Variants in ITSN2 observed in about 807,000 individuals in gnomAD.
ITSN2 encodes intersectin 2.
In ITSN2, 156 loss-of-function variants were observed where a neutral mutation model predicts 243.7. That is an observed-to-expected ratio of 0.64 (90% confidence interval 0.56 to 0.73). The LOEUF (loss-of-function observed/expected upper bound fraction) is 0.73, where lower values mean the gene tolerates loss of function less well. ITSN2 is among the 30% of genes least tolerant of loss of function. The pLI, the probability that ITSN2 is intolerant of heterozygous loss-of-function variation, is 0.00. For missense variants in ITSN2, 1,801 were observed against 1,996.1 expected (o/e 0.90, Z 1.86); for synonymous variants, 703 against 699.9 (o/e 1.00, Z -0.07).
At chr2:24,313,330 C>T (rs1164750786) in intron 4 of ITSN2, 130 bp downstream of exon 4, 7 of 649,294 alleles carry the variant, frequency 1.1e-5, no homozygotes, top group Non-Finnish European at 1.8e-5. Context: ...CTACCTCAGA[C>T]TCCCAAAGTG....
chr2:24,239,467 A>C (rs866075389), intron 29 of ITSN2: 1 of 152,040 alleles, frequency 6.6e-6, no homozygotes, highest in African/African-American at 2.4e-5. Context: ...TTACATTCTC[A>C]AATTTTCTAA....
At chr2:24,340,447 C>A (rs1415017626) in intron 1 of ITSN2, among the ~76,000 whole-genome samples, 1 of 151,558 alleles carries the variant, frequency 6.6e-6, no homozygotes, top group African/African-American at 2.4e-5. Flanking sequence ...CGTCACTGCA[C>A]TCCAGCCTGG....
intron 29 of ITSN2, among the ~76,000 whole-genome samples, chr2:24,223,485 C>T (rs1670673127): frequency 6.6e-6 from 1 of 151,470 alleles, no homozygotes; most frequent in Admixed American, 6.6e-5. Flanking sequence ...TGAAGACCAG[C>T]CTGGGCAACA....
At position 24,330,715 on chromosome 2, in the gene ITSN2, T is replaced by C. The variant is rs1378624148; in HGVS notation, c.-33-2600A>G. ...TATAACTGTGTACTTCTGGTGACAG[T>C]AGTTTGAAATACTATTTTTTATCAA... On this transcript the variant is annotated intron_variant, in intron 1 of 39. Transcript: ENST00000355123. 9.4e-6 allele frequency: 6 copies of C among 637,550 alleles called. No homozygotes were observed. The Admixed American group carries it at 1.4e-4, about 14-fold the overall frequency. 39.5% of individuals were successfully genotyped at this position (637,550 alleles called of 1,614,324 possible).
rs563023391 is a variant in ITSN2, at chr2:24,220,290, G to A, written c.3699+655C>T. On this transcript the variant is annotated intron_variant, in intron 30 of 39. Transcript: ENST00000355123. ...CTTCTCACCTGAGGGCCTGTACACT[G>A]GGAACTGAAAGGCATGGAAACAAAG... 4.3e-5 allele frequency: 42 copies of A among 981,296 alleles called. No individual in the cohort carries two copies. The African/African-American group carries it at 6.3e-4, about 15-fold the overall frequency. 60.8% of individuals were successfully genotyped at this position (981,296 alleles called of 1,614,324 possible). A position where few individuals can be genotyped will look rare whatever the true frequency, so the allele number is the denominator to read the frequency against.
chr2:24,265,494 A>G (rs1229746188), intron 20 of ITSN2, among the ~76,000 whole-genome samples: 2 of 151,770 alleles, frequency 1.3e-5, no homozygotes, highest in Non-Finnish European at 3.0e-5. Flanking sequence ...AGCTTAATAG[A>G]TTCTATGGGA....
At chr2:24,213,634 T>C (rs1487769790) in intron 32 of ITSN2, among the ~76,000 whole-genome samples, 2 of 152,258 alleles carry the variant, frequency 1.3e-5, no homozygotes, top group Admixed American at 6.5e-5. Flanking sequence ...AGGTAACCTA[T>C]AGCAGGCCTT....
At chr2:24,340,835 TG>T (rs1191859850) in intron 1 of ITSN2, among the ~76,000 whole-genome samples, 1 of 152,138 alleles carries the variant, frequency 6.6e-6, no homozygotes, top group Non-Finnish European at 1.5e-5. Context: ...ATACTTGTAA[TG>T]TCAGTGAATT....
intron 32 of ITSN2, among the ~76,000 whole-genome samples, chr2:24,215,667 A>T (rs1289067650): frequency 9.3e-5 from 5 of 53,682 alleles, no homozygotes; most frequent in African/African-American, 4.0e-4. Flanking sequence ...ATTCTGTTTA[A>T]AAAAAAAAAA....
intron 10 of ITSN2, among the ~76,000 whole-genome samples, chr2:24,301,504 C>T (rs893875206): frequency 6.6e-6 from 1 of 151,080 alleles, no homozygotes; most frequent in Non-Finnish European, 1.5e-5. Flanking sequence ...TTATGTATAA[C>T]ATAATGAAAA....
chr2:24,246,379 AT>A, intron 28 of ITSN2, 59 bp from the exon 29 acceptor site: 1 of 919,850 alleles, frequency 1.1e-6, no homozygotes, highest in South Asian at 1.9e-5. Context: ...GCAAGGGTCA[AT>A]CATTTGTAAT....
intron 20 of ITSN2, among the ~76,000 whole-genome samples, 177 bp downstream of exon 20, chr2:24,270,494 G>C (rs1276686677): frequency 6.6e-6 from 1 of 152,220 alleles, no homozygotes; most frequent in Admixed American, 6.5e-5. Context: ...AACTTAGTTA[G>C]TAATAATAAC....
chr2:24,324,199 T>C (rs1684903587), intron 2 of ITSN2, among the ~76,000 whole-genome samples: 1 of 152,118 alleles, frequency 6.6e-6, no homozygotes, highest in African/African-American at 2.4e-5. Context: ...GCCACTGCAC[T>C]CCAGCCTGGG....
Position 24,248,958 on chromosome 2 carries a change from T to C in ITSN2, c.3121-76A>G. 2.9e-6 allele frequency: 4 copies of C among 1,369,542 alleles called. No individual in the cohort carries two copies. The Admixed American group carries it at 7.5e-5, about 26-fold the overall frequency. The allele number at this position is 1,369,542 out of a possible 1,614,324, so 84.8% of individuals were successfully genotyped here. Reference sequence around the variant, plus strand: ...TAAAAGTATAAAGGTTAATGGGAATTAGAGATTTCAAATTCCCAGGATTCT... The same window carrying C: ...TAAAAGTATAAAGGTTAATGGGAATCAGAGATTTCAAATTCCCAGGATTCT... On this transcript the variant is annotated intron_variant, in intron 25 of 39. Transcript: ENST00000355123.
intron 5 of ITSN2, 65 bp downstream of exon 5, chr2:24,312,147 C>A: frequency 7.6e-7 from 1 of 1,322,102 alleles, no homozygotes; most frequent in Non-Finnish European, 1.0e-6. Flanking sequence ...TTTTCTAATA[C>A]TCAAATATGC....
In ITSN2 at chr2:24,317,108, C is replaced by T. The variant is rs1301658031; in HGVS notation, c.32-1884G>A. On this transcript the variant is annotated intron_variant, in intron 2 of 39. Transcript: ENST00000355123. Reference sequence around the variant, plus strand: ...GTTAAAAAGTGGCAGTGGCCGGGCGCGGTGGCTCACGCCTGTAATCCCAGC... The same window carrying T: ...GTTAAAAAGTGGCAGTGGCCGGGCGTGGTGGCTCACGCCTGTAATCCCAGC... Among the ~76,000 whole-genome samples the T allele has an allele frequency of 2.6e-5, 4 of 152,160 alleles. No individual in the cohort carries two copies. The South Asian group carries it at 6.2e-4, about 24-fold the overall frequency.
chr2:24,224,956 A>G (rs1233552538), intron 29 of ITSN2, among the ~76,000 whole-genome samples: 5 of 151,992 alleles, frequency 3.3e-5, no homozygotes, highest in Non-Finnish European at 7.4e-5. Flanking sequence ...CCCTCTGTTT[A>G]AGTTTCCAAC....
intron 12 of ITSN2, among the ~76,000 whole-genome samples, 180 bp downstream of exon 12, chr2:24,299,729 C>A (rs1291163137): frequency 6.6e-6 from 1 of 151,884 alleles, no homozygotes; most frequent in Non-Finnish European, 1.5e-5. Flanking sequence ...TCCTTATAAG[C>A]AAGAAGCCTC....
intron 2 of ITSN2, among the ~76,000 whole-genome samples, chr2:24,318,591 T>C (rs1291331105): frequency 2.6e-5 from 4 of 152,206 alleles, no homozygotes; most frequent in African/African-American, 9.7e-5. Context: ...AAAGGATTCA[T>C]TGCTTATTAG....
Sources: gnomAD v4.1 joint callset for allele counts (sites outside exome capture counted in the v4.1 genomes callset) on GRCh38, gnomAD v4.1.1 for gene constraint, MANE v1.5 for transcripts, NCBI Gene and HGNC (gene_info 2026-07-23, HGNC 2026-07-21) for gene names.